The following ROR1 variants were observed in gnomAD, a reference collection of about 807,000 sequenced individuals.
ROR1 encodes the protein inactive tyrosine-protein kinase transmembrane receptor ROR1.
A neutral mutation model predicts 78.8 loss-of-function variants in ROR1; 19 were observed. The observed-to-expected ratio is 0.24, with a 90% CI of 0.17 to 0.35. ROR1 has a LOEUF of 0.35. ROR1 is among the 10% of genes least tolerant of loss of function. The pLI, the probability that ROR1 is intolerant of heterozygous loss-of-function variation, is 1.00. For synonymous variants in ROR1, 386 were observed against 433.6 expected (o/e 0.89, Z 1.36); for missense variants, 917 against 1,177.8 (o/e 0.78, Z 3.24).
rs183764544 is a variant in ROR1, at chr1:63,961,975, T to C, written c.92-47330T>C. On this transcript the variant is annotated intron_variant, in intron 1 of 8. Coordinates refer to ENST00000371079, the MANE Select transcript of ROR1 (RefSeq NM_005012.4). ...ATCTCATAAATATGTACAATTATTATGTGTCATTTAAAAATTTAAAAAATA... is the reference window on the plus strand; with the variant it reads ...ATCTCATAAATATGTACAATTATTACGTGTCATTTAAAAATTTAAAAAATA... 5.9e-5 allele frequency among the ~76,000 whole-genome samples: 9 copies of C among 152,322 alleles called. No homozygotes were observed. The East Asian group carries it at 1.5e-3, about 26-fold the overall frequency.
intron 8 of ROR1, among the ~76,000 whole-genome samples, chr1:64,169,258 A>G (rs951194887): frequency 1.3e-5 from 2 of 152,222 alleles, no homozygotes; most frequent in African/African-American, 4.8e-5. Flanking sequence ...ACTGCTGATA[A>G]AGACATACCT....
At chr1:64,081,943 G>T (rs57577806) in intron 4 of ROR1, among the ~76,000 whole-genome samples, 3 of 151,896 alleles carry the variant, frequency 2.0e-5, no homozygotes, top group African/African-American at 4.8e-5. Context: ...TGTTTATAAC[G>T]TTTTTAATAA....
At chr1:63,801,272 G>A (rs1190323765) in intron 1 of ROR1, among the ~76,000 whole-genome samples, 3 of 152,122 alleles carry the variant, frequency 2.0e-5, no homozygotes, top group Admixed American at 2.0e-4. Flanking sequence ...GACGTATTAT[G>A]TGGCTGTATT....
intron 5 of ROR1, among the ~76,000 whole-genome samples, chr1:64,138,230 C>A (rs1284875818): frequency 6.6e-6 from 1 of 152,148 alleles, no homozygotes; most frequent in East Asian, 1.9e-4. Context: ...CCTTTGCAAT[C>A]CATTCACATT....
chr1:64,159,599 T>G lies in ROR1; in HGVS notation c.1386+407T>G, dbSNP rs528382644. On this transcript the variant is annotated intron_variant, in intron 8 of 8. Coordinates refer to ENST00000371079, the MANE Select transcript of ROR1 (RefSeq NM_005012.4). ...ACTTCACTGTCAAGAACCTTTTCGT[T>G]GCATAATATGCAAATAGTTAAAACC... is the stretch of plus-strand genomic sequence containing the variant. Among the ~76,000 whole-genome samples, 27 of 152,320 alleles carry G rather than the reference T, an allele frequency of 1.8e-4. No individual in the cohort carries two copies. The South Asian group carries it at 5.2e-3, about 29-fold the overall frequency.
At position 63,895,733 on chromosome 1, in the gene ROR1, C is replaced by T. The variant is rs984598141; in HGVS notation, c.92-113572C>T. On this transcript the variant is annotated intron_variant, in intron 1 of 8. Coordinates refer to ENST00000371079, the MANE Select transcript of ROR1 (RefSeq NM_005012.4). ...CAGAGTTGAGATCATTAACCGTGAACATTTACCAGCTGTTAAATAGATATG... is the reference window on the plus strand; with the variant it reads ...CAGAGTTGAGATCATTAACCGTGAATATTTACCAGCTGTTAAATAGATATG... 7.2e-5 allele frequency among the ~76,000 whole-genome samples: 11 copies of T among 152,156 alleles called. No individual in the cohort carries two copies. The East Asian group carries it at 1.9e-3, about 27-fold the overall frequency.
chr1:63,867,332 A>G (rs900804529), intron 1 of ROR1, among the ~76,000 whole-genome samples: 1 of 152,158 alleles, frequency 6.6e-6, no homozygotes, highest in Non-Finnish European at 1.5e-5. Flanking sequence ...CCTTCCTCCT[A>G]TGTCTTTGAC....
At chr1:63,878,616 T>C (rs929134730) in intron 1 of ROR1, among the ~76,000 whole-genome samples, 1 of 152,144 alleles carries the variant, frequency 6.6e-6, no homozygotes, top group South Asian at 2.1e-4. Flanking sequence ...TACAGGACTC[T>C]GTGGGTCTAG....
Position 64,009,291 on chromosome 1 carries a change from C to G in ROR1, c.92-14C>G. On this transcript the variant is annotated splice_polypyrimidine_tract_variant and intron_variant, in intron 1 of 8. Coordinates refer to ENST00000371079, the MANE Select transcript of ROR1 (RefSeq NM_005012.4). The stretch of plus-strand genomic sequence containing the variant: ...TGCCCTTGTCTTTCTCCCTTCCCTT[C>G]TTTTTCTTTTCAGAAACAGAGCTGT... The G allele has an allele frequency of 1.3e-6, 2 of 1,599,738 alleles. No individual in the cohort carries two copies. The highest frequency in any genetic ancestry group is 2.2e-5 in the East Asian group (1 of 44,778).
At chr1:64,149,730 G>C (rs750124405) in intron 7 of ROR1, among the ~76,000 whole-genome samples, 2 of 152,194 alleles carry the variant, frequency 1.3e-5, no homozygotes, top group Non-Finnish European at 2.9e-5. Flanking sequence ...CACCTTCCAA[G>C]TCAAATATCT....
chr1:64,044,564 A>C (rs1280352636), intron 2 of ROR1, among the ~76,000 whole-genome samples: 1 of 152,190 alleles, frequency 6.6e-6, no homozygotes, highest in Non-Finnish European at 1.5e-5. Context: ...TGACCCTTGA[A>C]TACATAGATT....
intron 4 of ROR1, among the ~76,000 whole-genome samples, chr1:64,062,661 GA>G (rs1646926584): frequency 6.6e-6 from 1 of 152,184 alleles, no homozygotes; most frequent in Admixed American, 6.5e-5. Flanking sequence ...GGTAGGCCCA[GA>G]AGGCTGATAA....
At chr1:63,784,045 T>A (rs1644669435) in intron 1 of ROR1, among the ~76,000 whole-genome samples, 1 of 152,182 alleles carries the variant, frequency 6.6e-6, no homozygotes, top group Non-Finnish European at 1.5e-5. Flanking sequence ...GTTTTTTTTT[T>A]CAACTCTGTC....
chr1:63,831,765 C>T (rs962413609), intron 1 of ROR1, among the ~76,000 whole-genome samples: 5 of 152,234 alleles, frequency 3.3e-5, no homozygotes, highest in Non-Finnish European at 7.3e-5. Context: ...GCTTGAATTT[C>T]TCCCCAGAAA....
intron 1 of ROR1, among the ~76,000 whole-genome samples, chr1:63,917,261 G>T (rs1645616204): frequency 6.6e-6 from 1 of 152,086 alleles, no homozygotes; most frequent in Non-Finnish European, 1.5e-5. Flanking sequence ...CTCAGTCTAA[G>T]CCTGACACCT....
At chr1:64,037,982 T>C (rs963752074) in intron 2 of ROR1, among the ~76,000 whole-genome samples, 2 of 152,102 alleles carry the variant, frequency 1.3e-5, no homozygotes, top group Non-Finnish European at 2.9e-5. Context: ...CCCTGATTTC[T>C]AGAGCTGGAC....
rs142662886 is a variant in ROR1 at position 63,858,211 on chromosome 1, T to G, written c.91+83703T>G. 2.4e-4 allele frequency among the ~76,000 whole-genome samples: 37 copies of G among 152,344 alleles called. 1 individual carries two copies. In the East Asian group the frequency reaches 6.7e-3, roughly 28 times the overall value. ...TTGCTTTTAGGCCCCATGTTTATTT[T>G]CCTGAAATGGTGTCTTCTTGACTTA... On this transcript the variant is annotated intron_variant, in intron 1 of 8. Transcript: ENST00000371079.
At chr1:63,859,458 C>G (rs1645167051) in intron 1 of ROR1, among the ~76,000 whole-genome samples, 1 of 152,062 alleles carries the variant, frequency 6.6e-6, no homozygotes, top group Non-Finnish European at 1.5e-5. Flanking sequence ...ATTCTAGTGC[C>G]CAGCACATAG....
At position 64,178,943 on chromosome 1, in the gene ROR1, G is replaced by T. The variant is rs75511440; in HGVS notation, c.*88G>T. The T allele has an allele frequency of 2.6e-3, 2,654 of 1,007,956 alleles. 58 individuals are homozygous for T. The African/African-American group carries it at 0.037, about 14-fold the overall frequency. The allele number at this position is 1,007,956 out of a possible 1,614,324, so 62.4% of individuals were successfully genotyped here. On this transcript the variant is annotated 3_prime_UTR_variant, in exon 9 of 9. Transcript: ENST00000371079. This position sits in a 1 kb window ranked among gnomAD's most constrained non-coding sequence, Gnocchi z 4.3. ...ATTCAAATGTTTTTATTAAAGTAAGGTTCTCATTTAGCAGACATCGCAACA... is the reference window on the plus strand; with the variant it reads ...ATTCAAATGTTTTTATTAAAGTAAGTTTCTCATTTAGCAGACATCGCAACA...
Sources: allele counts gnomAD v4.1 joint callset (sites outside exome capture counted in the v4.1 genomes callset), GRCh38; gene constraint gnomAD v4.1.1; non-coding constraint Gnocchi (gnomAD v3.1); transcripts MANE v1.5; gene names NCBI Gene and HGNC (gene_info 2026-07-23, HGNC 2026-07-21).